The following GNG2 variants were observed in gnomAD, a reference collection of about 807,000 sequenced individuals.
GNG2 encodes guanine nucleotide-binding protein G(I)/G(S)/G(O) subunit gamma-2.
In GNG2, 5 loss-of-function variants were observed where a neutral mutation model predicts 5.5. The observed-to-expected ratio is 0.91, with a 90% CI of 0.48 to 1.92. The LOEUF (loss-of-function observed/expected upper bound fraction) is 1.92. Ranked by LOEUF, GNG2 falls within the 30% of genes most tolerant of loss-of-function variation. The probability of loss-of-function intolerance (pLI) is 0.01; values close to 1 mark genes in which losing one functional copy is unlikely to be tolerated. For synonymous variants in GNG2, 28 were observed against 32.0 expected (o/e 0.88, Z 0.42); for missense variants, 55 against 88.4 (o/e 0.62, Z 1.52).
chr14:51,831,017 C>G (rs1881174327), intron 2 of GNG2, among the ~76,000 whole-genome samples: 1 of 152,214 alleles, frequency 6.6e-6, no homozygotes, highest in African/African-American at 2.4e-5. Flanking sequence ...TGATGGCCTC[C>G]TTGCTAACCC....
intron 1 of GNG2, among the ~76,000 whole-genome samples, chr14:51,869,763 T>C (rs1248772011): frequency 6.6e-6 from 1 of 152,190 alleles, no homozygotes; most frequent in Non-Finnish European, 1.5e-5. Flanking sequence ...TCCACCCACC[T>C]CGGCCTCCCA....
At chr14:51,962,936 G>A (rs1177603039) in intron 3 of GNG2, among the ~76,000 whole-genome samples, 4 of 152,234 alleles carry the variant, frequency 2.6e-5, no homozygotes, top group African/African-American at 9.6e-5. Context: ...TCACAACTCA[G>A]TAGCTCAGGA....
At chr14:51,893,363 T>A (rs1203718300) in intron 2 of GNG2, among the ~76,000 whole-genome samples, 1 of 152,168 alleles carries the variant, frequency 6.6e-6, no homozygotes, top group Non-Finnish European at 1.5e-5. Flanking sequence ...TTTTCATATG[T>A]TTTCATTGAT....
At chr14:51,918,359 A>G (rs1225183567) in intron 2 of GNG2, among the ~76,000 whole-genome samples, 4 of 152,200 alleles carry the variant, frequency 2.6e-5, no homozygotes, top group Admixed American at 2.6e-4. Flanking sequence ...GCATTTTTCC[A>G]AAAAATAAAG....
intron 2 of GNG2, among the ~76,000 whole-genome samples, chr14:51,853,873 T>C (rs1413009837): frequency 2.0e-5 from 3 of 152,068 alleles, no homozygotes; most frequent in Non-Finnish European, 4.4e-5. Context: ...CCGTTTCCTG[T>C]TGTCCCTGAA....
intron 2 of GNG2, among the ~76,000 whole-genome samples, chr14:51,838,540 A>G (rs745778876): frequency 2.0e-5 from 3 of 152,178 alleles, no homozygotes; most frequent in Non-Finnish European, 4.4e-5. Context: ...ACAAATGATT[A>G]CCCAGATCTG....
At chr14:51,832,487 G>A (rs1262158758) in intron 2 of GNG2, among the ~76,000 whole-genome samples, 2 of 152,126 alleles carry the variant, frequency 1.3e-5, no homozygotes, top group Non-Finnish European at 2.9e-5. Context: ...CATCACTATA[G>A]AGCAAAAATT....
intron 2 of GNG2, among the ~76,000 whole-genome samples, chr14:51,838,228 G>C (rs969697090): frequency 3.9e-5 from 6 of 152,168 alleles, no homozygotes; most frequent in Admixed American, 1.3e-4. Context: ...CAGACCACCT[G>C]AGGTCAGGAG....
At chr14:51,829,842 C>CTTTT (rs1178449589) in intron 2 of GNG2, among the ~76,000 whole-genome samples, 2 of 113,250 alleles carry the variant, frequency 1.8e-5, no homozygotes. Flanking sequence ...CTCCCTACTT[C>CTTTT]TTCTTTTTTT....
intron 1 of GNG2, among the ~76,000 whole-genome samples, chr14:51,861,029 G>T (rs1203363398): frequency 1.3e-5 from 2 of 152,150 alleles, no homozygotes; most frequent in Non-Finnish European, 2.9e-5. Context: ...CTAAATACAA[G>T]AAGCTGTTTG....
chr14:51,849,496 T>A (rs1295823929), intron 2 of GNG2, among the ~76,000 whole-genome samples: 2 of 152,200 alleles, frequency 1.3e-5, no homozygotes, highest in Non-Finnish European at 2.9e-5. Context: ...GAGAATGAAT[T>A]GAAAAGGGTG....
intron 3 of GNG2, among the ~76,000 whole-genome samples, chr14:51,964,207 G>A (rs1436740494): frequency 6.6e-6 from 1 of 152,160 alleles, no homozygotes; most frequent in Non-Finnish European, 1.5e-5. Flanking sequence ...AAGATTGCCA[G>A]CAACCACCAG....
intron 2 of GNG2, among the ~76,000 whole-genome samples, chr14:51,844,445 A>T (rs1432680901): frequency 6.6e-6 from 1 of 152,032 alleles, no homozygotes; most frequent in Non-Finnish European, 1.5e-5. Context: ...AGTTTCTCTA[A>T]GTCATTGTTT....
At chr14:51,941,382 A>T (rs989130850) in intron 2 of GNG2, among the ~76,000 whole-genome samples, 5 of 152,204 alleles carry the variant, frequency 3.3e-5, no homozygotes, top group African/African-American at 1.2e-4. Context: ...TGACTGAGAG[A>T]CTATAAACCT....
chr14:51,962,740 A>G (rs1370500178), intron 3 of GNG2, among the ~76,000 whole-genome samples: 3 of 152,236 alleles, frequency 2.0e-5, no homozygotes, highest in Non-Finnish European at 4.4e-5. Context: ...GGAAATCTTC[A>G]TGGAAGAAGT....
intron 1 of GNG2, among the ~76,000 whole-genome samples, chr14:51,866,086 G>C (rs1288628689): frequency 6.6e-6 from 1 of 152,158 alleles, no homozygotes; most frequent in African/African-American, 2.4e-5. Flanking sequence ...AAACAGTCAA[G>C]CTGTTAATGA....
At chr14:51,859,668 T>C (rs1882333689), upstream of GNG2, among the ~76,000 whole-genome samples, 1 of 152,174 alleles carries the variant, frequency 6.6e-6, no homozygotes, top group African/African-American at 2.4e-5. Flanking sequence ...CCCAAGTTCA[T>C]ACAGTCATTA....
intron 2 of GNG2, among the ~76,000 whole-genome samples, chr14:51,911,545 CTT>C (rs200362776): frequency 0.045 from 6,339 of 142,268 alleles, 204 homozygotes; most frequent in East Asian, 0.19. Context: ...ATAATGATAG[CTT>C]TTTTTTTTTT....
intron 1 of GNG2, among the ~76,000 whole-genome samples, chr14:51,877,019 C>T (rs1883720713): frequency 6.6e-6 from 1 of 152,180 alleles, no homozygotes; most frequent in Non-Finnish European, 1.5e-5. Context: ...ACGTAGGCCA[C>T]TCTGCCTGAT....
Sources: gnomAD v4.1 joint callset for allele counts (sites outside exome capture counted in the v4.1 genomes callset) on GRCh38, gnomAD v4.1.1 for gene constraint, MANE v1.5 for transcripts, NCBI Gene and HGNC (gene_info 2026-07-23, HGNC 2026-07-21) for gene names.